Variants in PWWP2A observed in about 807,000 individuals in gnomAD.
PWWP2A encodes the protein PWWP domain containing 2A.
In PWWP2A, 18 loss-of-function variants were observed where a neutral mutation model predicts 48.5. The observed-to-expected ratio is 0.37, with a 90% CI of 0.26 to 0.55. The LOEUF (loss-of-function observed/expected upper bound fraction) is 0.55, where lower values mean the gene tolerates loss of function less well. PWWP2A is among the 20% of genes least tolerant of loss of function. PWWP2A has a pLI of 0.81. For synonymous variants in PWWP2A, 396 were observed against 387.7 expected, an observed-to-expected ratio of 1.02 and a Z score of -0.25; for missense variants, 867 against 976.4, an observed-to-expected ratio of 0.89 and a Z score of 1.49.
chr5:160,097,563 A>G (rs1307544226), intron 1 of PWWP2A, among the ~76,000 whole-genome samples: 2 of 151,548 alleles, frequency 1.3e-5, no homozygotes, highest in African/African-American at 4.8e-5. Flanking sequence ...CCGGGAGGTG[A>G]AAGTCGCAGT....
At chr5:160,049,795 A>C in the PWWP2A span, 1 of 806,984 alleles carries the variant, frequency 1.2e-6, no homozygotes, top group Non-Finnish European at 1.8e-6. Flanking sequence ...GATATATGGG[A>C]GGCCAGGCGC....
chr5:160,095,351 C>A (rs1187979625), intron 1 of PWWP2A, among the ~76,000 whole-genome samples: 1 of 152,106 alleles, frequency 6.6e-6, no homozygotes, highest in Non-Finnish European at 1.5e-5. Flanking sequence ...TTAGAAATAA[C>A]AGTGGCTTAA....
intron 1 of PWWP2A, among the ~76,000 whole-genome samples, chr5:160,097,436 C>T (rs1755782867): frequency 1.3e-5 from 2 of 150,538 alleles, no homozygotes; most frequent in African/African-American, 4.9e-5. Context: ...TCAAGACCAG[C>T]CTGGCCAACA....
Position 160,077,981 on chromosome 5 carries a change from T to G in PWWP2A, c.*174A>C, listed in dbSNP as rs1581152190. The stretch of plus-strand genomic sequence containing the variant: ...TTTATAAAATATTCCCTAATACCTT[T>G]TCTTCGGTTTAAGACAGCACAATTT... On this transcript the variant is annotated 3_prime_UTR_variant, in exon 4 of 4. Coordinates refer to the PWWP2A transcript ENST00000456329. This position sits in a 1 kb window ranked among gnomAD's most constrained non-coding sequence, Gnocchi z 4.2. 3.8e-6 allele frequency: 2 copies of G among 524,550 alleles called. No individual in the cohort carries two copies. The highest frequency in any genetic ancestry group is 6.9e-6 in the Non-Finnish European group (2 of 290,624). The allele number at this position is 524,550 out of a possible 1,614,324, so 32.5% of individuals were successfully genotyped here. A position where few individuals can be genotyped will look rare whatever the true frequency, so the allele number is the denominator to read the frequency against.
rs537264962 is a variant in PWWP2A at position 160,109,871 on chromosome 5, A to G, written c.584+8934T>C. On this transcript the variant is annotated intron_variant, in intron 1 of 1. Coordinates refer to ENST00000307063, the MANE Select transcript of PWWP2A (RefSeq NM_001130864.2). ...GAATGTAAAAAATTCTACAAAGTCC[A>G]TGGATTAACAGTAAATTGCAAGTGA... Among the ~76,000 whole-genome samples the G allele has an allele frequency of 7.0e-5, 10 of 143,446 alleles. No homozygotes were observed. The East Asian group carries it at 2.0e-3, about 29-fold the overall frequency. 94.1% of individuals were successfully genotyped at this position (143,446 alleles called of 152,430 possible). A position where few individuals can be genotyped will look rare whatever the true frequency, so the allele number is the denominator to read the frequency against.
At chr5:160,075,928 CT>C (rs1230226645) in exon 4 of PWWP2A, 2 of 150,852 alleles carry the variant, frequency 1.3e-5, no homozygotes, top group Non-Finnish European at 3.0e-5. Context: ...ACACAACATT[CT>C]TTAACATTTA....
chr5:160,097,503 G>A lies in PWWP2A; in HGVS notation c.585-3438C>T, dbSNP rs181424222. ...AAATTAGCTGGGTGTGGTGACACGC[G>A]CCTGTAGTCCCAACTACTCGGGAGG... On this transcript the variant is annotated intron_variant, in intron 1 of 1. Coordinates refer to ENST00000307063, the MANE Select transcript of PWWP2A (RefSeq NM_001130864.2). Among the ~76,000 whole-genome samples the A allele has an allele frequency of 5.6e-3, 846 of 151,172 alleles. 13 individuals carry two copies. Among genetic ancestry groups the A allele is most frequent in the African/African-American group, 0.02 (806 of 41,194 alleles).
the PWWP2A span, among the ~76,000 whole-genome samples, chr5:160,053,874 T>A: frequency 4.6e-5 from 7 of 152,204 alleles, no homozygotes; most frequent in African/African-American, 1.7e-4. Context: ...AGGGAAAAAA[T>A]CCTGATAGGA....
intron 5 of PWWP2A, among the ~76,000 whole-genome samples, chr5:160,062,689 G>A (rs1370610328): frequency 6.6e-6 from 1 of 152,156 alleles, no homozygotes; most frequent in African/African-American, 2.4e-5. Context: ...CCATGGAGCT[G>A]CCCCTCCTCA....
intron 1 of PWWP2A, among the ~76,000 whole-genome samples, 191 bp from the exon 2 acceptor site, chr5:160,094,256 T>C (rs1288962634): frequency 3.3e-5 from 5 of 152,262 alleles, no homozygotes; most frequent in Admixed American, 1.3e-4. Context: ...CTTTAGGTTC[T>C]ACATTTTTGG....
exon 4 of PWWP2A, chr5:160,076,657 C>T (rs1482214611): frequency 6.6e-6 from 1 of 152,190 alleles, no homozygotes; most frequent in African/African-American, 2.4e-5. Flanking sequence ...GCCTTTTCTT[C>T]AAGTTGTAAA....
rs1419340785 is a variant in PWWP2A at position 160,065,217 on chromosome 5, T to G, written c.*236+1331A>C. The stretch of plus-strand genomic sequence containing the variant: ...GCCCAGTGCTCCCTTGTCCCTCTTT[T>G]ATGATCAGGGTGAAATGTACTTCCT... On this transcript the variant is annotated intron_variant and NMD_transcript_variant, in intron 4 of 5. Coordinates refer to the PWWP2A transcript ENST00000524050. The G allele has an allele frequency of 3.7e-6, 4 of 1,072,334 alleles. No individual in the cohort carries two copies. The Admixed American group carries it at 8.0e-5, about 21-fold the overall frequency. The allele number at this position is 1,072,334 out of a possible 1,614,324, so 66.4% of individuals were successfully genotyped here.
intron 5 of PWWP2A, among the ~76,000 whole-genome samples, chr5:160,062,818 C>T: frequency 6.6e-6 from 1 of 150,648 alleles, no homozygotes; most frequent in Non-Finnish European, 1.5e-5. Context: ...TTTTTTTTTT[C>T]CCCCTTCCTG....
At chr5:160,063,970 T>G (rs1475224600) in intron 4 of PWWP2A, among the ~76,000 whole-genome samples, 1 of 144,846 alleles carries the variant, frequency 6.9e-6, no homozygotes, top group Non-Finnish European at 1.5e-5. Context: ...CCATGACTTT[T>G]TTTTTTTTTT....
intron 2 of PWWP2A, among the ~76,000 whole-genome samples, chr5:160,083,436 G>C (rs774136004): frequency 2.0e-5 from 3 of 152,122 alleles, no homozygotes; most frequent in Non-Finnish European, 2.9e-5. Flanking sequence ...TCAATCATAC[G>C]AGCAGCAATA....
chr5:160,054,569 A>G, the PWWP2A span, among the ~76,000 whole-genome samples: 1 of 152,142 alleles, frequency 6.6e-6, no homozygotes, highest in Non-Finnish European at 1.5e-5. Context: ...CGATGGTACC[A>G]GCCTGGGCAA....
chr5:160,069,830 T>G (rs991731746), intron 2 of PWWP2A, among the ~76,000 whole-genome samples: 1 of 152,266 alleles, frequency 6.6e-6, no homozygotes, highest in Non-Finnish European at 1.5e-5. Flanking sequence ...CTCCTGGTTT[T>G]TAAGTTTTCA....
chr5:160,084,262 G>A (rs140903237), intron 2 of PWWP2A, among the ~76,000 whole-genome samples: 37 of 152,126 alleles, frequency 2.4e-4, no homozygotes, highest in Non-Finnish European at 4.3e-4. Context: ...GATGATATTG[G>A]GAGTAACCTG....
At chr5:160,046,071 C>T in the PWWP2A span, among the ~76,000 whole-genome samples, 1 of 152,212 alleles carries the variant, frequency 6.6e-6, no homozygotes, top group East Asian at 1.9e-4. Context: ...AAAACCTTCT[C>T]CTGACCCAAT....
Sources: allele counts gnomAD v4.1 joint callset (sites outside exome capture counted in the v4.1 genomes callset), GRCh38; gene constraint gnomAD v4.1.1; non-coding constraint Gnocchi (gnomAD v3.1); transcripts MANE v1.5; gene names NCBI Gene and HGNC (gene_info 2026-07-23, HGNC 2026-07-21).